PHEX: variants seen among roughly 807,000 people sequenced by gnomAD.
PHEX encodes phosphate-regulating neutral endopeptidase PHEX.
In PHEX, 16 loss-of-function variants were observed where a neutral mutation model predicts 68.0. The observed-to-expected ratio is 0.24, with a 90% confidence interval of 0.16 to 0.36. The LOEUF (loss-of-function observed/expected upper bound fraction) is 0.36, where lower values mean the gene tolerates loss of function less well. Ranked by LOEUF, PHEX falls within the 10% of genes least tolerant of loss-of-function variation. The probability of loss-of-function intolerance (pLI) is 1.00; values close to 1 mark genes in which losing one functional copy is unlikely to be tolerated. For missense variants in PHEX, 480 were observed against 575.5 expected (o/e 0.83, Z 1.70); for synonymous variants, 208 against 205.1 (o/e 1.01, Z -0.12).
chrX:22,213,632 T>C (rs1935000419), intron 16 of PHEX, among the ~76,000 whole-genome samples: 1 of 112,095 alleles, frequency 8.9e-6, no homozygotes, highest in African/African-American at 3.2e-5. Context: ...TTTCCATACA[T>C]AGTAGAGATT....
At chrX:22,033,503 C>T (rs1436637680) in intron 1 of PHEX, among the ~76,000 whole-genome samples, 1 of 111,992 alleles carries the variant, frequency 8.9e-6, no homozygotes, top group Non-Finnish European at 1.9e-5. Context: ...TGATGAAAAC[C>T]ATGCTGGAGT....
At chrX:22,131,729 G>C (rs1456124153) in intron 11 of PHEX, among the ~76,000 whole-genome samples, 1 of 112,637 alleles carries the variant, frequency 8.9e-6, no homozygotes, top group Non-Finnish European at 1.9e-5. Context: ...TCCTTCTAGA[G>C]TTAATGTTAA....
intron 7 of PHEX, among the ~76,000 whole-genome samples, chrX:22,094,552 G>T (rs1930050015): frequency 8.9e-6 from 1 of 112,453 alleles, no homozygotes; most frequent in African/African-American, 3.2e-5. Flanking sequence ...TAAGTTCTGG[G>T]CTCAGGGAAA....
At chrX:22,096,243 T>C (rs1440893814) in intron 7 of PHEX, among the ~76,000 whole-genome samples, 1 of 112,578 alleles carries the variant, frequency 8.9e-6, no homozygotes, top group Non-Finnish European at 1.9e-5. Context: ...AAGATGATCC[T>C]TGAGGAAGAT....
Position 22,247,831 on chromosome X carries a change from T to C in PHEX, c.2148-20T>C. 9.3e-7 allele frequency: 1 copy of C among 1,074,309 alleles called. No individual in the cohort carries two copies. Among genetic ancestry groups the C allele is most frequent in the African/African-American group, 1.8e-5 (1 of 55,245 alleles). The allele number at this position is 1,074,309 out of a possible 1,213,427, so 88.5% of individuals were successfully genotyped here. On this transcript the variant is annotated intron_variant, in intron 21 of 21. Transcript: ENST00000379374. ...TGTGCAAGAATTATATGACATATGC[T>C]TTGACATATCGTTTTTCAGGGTCAA...
chrX:22,195,146 T>G lies in PHEX; in HGVS notation c.1645+4644T>G, dbSNP rs985593757. On this transcript the variant is annotated intron_variant, in intron 15 of 21. Transcript: ENST00000379374. ...CATAGGGTTTTAGGGGAAGATTTAA[T>G]GAGACGAATTTGTAAAGTGCCAGCA... 2.7e-5 allele frequency among the ~76,000 whole-genome samples: 3 copies of G among 112,044 alleles called. No individual in the cohort carries two copies. The East Asian group carries it at 8.4e-4, about 31-fold the overall frequency.
At chrX:22,182,592 TTG>T (rs9331474) in intron 14 of PHEX, among the ~76,000 whole-genome samples, 9,021 of 102,481 alleles carry the variant, frequency 0.088, 442 homozygotes, top group African/African-American at 0.18. Context: ...TGAAGATGCT[TTG>T]TGTGTGTGTG....
chrX:22,113,349 A>G (rs943938609), intron 10 of PHEX, among the ~76,000 whole-genome samples: 2 of 111,568 alleles, frequency 1.8e-5, no homozygotes, highest in Non-Finnish European at 3.8e-5. Context: ...CCATTCCTCA[A>G]AACAACCTGG....
intron 3 of PHEX, among the ~76,000 whole-genome samples, chrX:22,068,993 G>T (rs1057436496): frequency 1.8e-5 from 2 of 111,418 alleles, no homozygotes; most frequent in Non-Finnish European, 3.8e-5. Context: ...AAATTAGCTG[G>T]GCGTGGTAGC....
chrX:22,209,766 C>T (rs1347302023), intron 15 of PHEX, among the ~76,000 whole-genome samples: 4 of 98,155 alleles, frequency 4.1e-5, no homozygotes, highest in Non-Finnish European at 8.2e-5. Context: ...CCCTCTCCTC[C>T]CTCTCCTCCC....
intron 12 of PHEX, among the ~76,000 whole-genome samples, chrX:22,147,516 G>A (rs1325323782): frequency 9.1e-6 from 1 of 110,211 alleles, no homozygotes; most frequent in Non-Finnish European, 1.9e-5. Context: ...AATGGGTGAA[G>A]AGAGAGAAAT....
chrX:22,172,477 G>T (rs1023974915), intron 13 of PHEX: 5 of 111,535 alleles, frequency 4.5e-5, no homozygotes, highest in Non-Finnish European at 7.5e-5. Flanking sequence ...AAGGGAGGAG[G>T]TGATGGTACC....
rs773772456 is a variant in PHEX at position 22,076,855 on chromosome X, AG to A, written c.436+383del. 6.6e-3 allele frequency among the ~76,000 whole-genome samples: 734 copies of A among 111,892 alleles called. 6 individuals carry two copies. Among genetic ancestry groups the A allele is most frequent in the African/African-American group, 0.022 (685 of 30,822 alleles). The stretch of plus-strand genomic sequence containing the variant: ...GGAGCCTAGAGAAATCCAGATTCCC[AG>A]GCATGCCAGGTTCCTGTGTCAGCCT... On this transcript the variant is annotated intron_variant, in intron 4 of 21. Transcript: ENST00000379374.
At chrX:22,074,487 C>A (rs766375898) in intron 3 of PHEX, among the ~76,000 whole-genome samples, 3 of 110,524 alleles carry the variant, frequency 2.7e-5, no homozygotes, top group Non-Finnish European at 5.7e-5. Flanking sequence ...AGATAGCATG[C>A]CTTGGAAGCA....
rs763757285 is a variant in PHEX at position 22,033,110 on chromosome X, G to A, written c.105G>A (p.Thr35=). The change falls in exon 1 of 22, where the codon ACG becomes ACA. Residue 35 remains threonine (T), a synonymous_variant. Transcript: ENST00000379374. ...TCGGTGGCACCCTAGTTCTGGGCAC[G>A]ATCCTCTTTCTAGGTAAGTGGAGTG... The part of the protein sequence containing the change: ...VFVGGTLVLG[T]ILFLVSQGLL... 1.1e-5 allele frequency: 13 copies of A among 1,193,688 alleles called. No homozygotes were observed. The East Asian group carries it at 1.2e-4, about 11-fold the overall frequency.
intron 12 of PHEX, among the ~76,000 whole-genome samples, chrX:22,165,471 C>T (rs1016924219): frequency 3.6e-5 from 4 of 110,976 alleles, no homozygotes; most frequent in African/African-American, 6.6e-5. Flanking sequence ...TTCATATTGC[C>T]GCTTAGGGCT....
At chrX:22,066,273 G>C (rs1023034245) in intron 3 of PHEX, among the ~76,000 whole-genome samples, 1 of 111,991 alleles carries the variant, frequency 8.9e-6, no homozygotes, top group Non-Finnish European at 1.9e-5. Flanking sequence ...ACCAATTCAT[G>C]CTTTACAGGC....
At chrX:22,236,398 C>T (rs1935980755) in intron 20 of PHEX, among the ~76,000 whole-genome samples, 1 of 112,746 alleles carries the variant, frequency 8.9e-6, no homozygotes, top group Non-Finnish European at 1.9e-5. Flanking sequence ...CTTCCTATCT[C>T]CATAGCACCC....
At position 22,185,756 on chromosome X, in the gene PHEX, G is replaced by GTTTTTTGTTTT. The variant is rs1207128506; in HGVS notation, c.1587-4682_1587-4681insGTTTTTTTTTT. ...CTCAGCTGCATGGTTCTCGTTTGTG[G>GTTTTTTGTTTT]TTTTTTTTTTTTTTTTTGGACACAG... On this transcript the variant is annotated intron_variant, in intron 14 of 21. Transcript: ENST00000379374. 3.4e-3 allele frequency among the ~76,000 whole-genome samples: 295 copies of GTTTTTTGTTTT among 87,760 alleles called. 10 individuals carry two copies. Among genetic ancestry groups the GTTTTTTGTTTT allele is most frequent in the African/African-American group, 6.3e-3 (126 of 19,940 alleles). 76.2% of individuals were successfully genotyped at this position (87,760 alleles called of 115,157 possible).
Sources: allele counts gnomAD v4.1 joint callset (sites outside exome capture counted in the v4.1 genomes callset), GRCh38; gene constraint gnomAD v4.1.1; transcripts MANE v1.5; gene names NCBI Gene and HGNC (gene_info 2026-07-23, HGNC 2026-07-21).